The following ASCC3 variants were observed in gnomAD, a reference collection of about 807,000 sequenced individuals.
The protein encoded by ASCC3 is activating signal cointegrator 1 complex subunit 3, also known as ASC-1 complex subunit P200.
In ASCC3, 158 loss-of-function variants were observed where a neutral mutation model predicts 256.3. The ratio of observed to expected loss-of-function variants is 0.62; its 90% CI spans 0.54 to 0.70. The LOEUF is 0.70. ASCC3 is among the 30% of genes least tolerant of loss of function. The probability of loss-of-function intolerance (pLI) is 0.00; values close to 1 mark genes in which losing one functional copy is unlikely to be tolerated. For synonymous variants in ASCC3, 948 were observed against 883.4 expected, an observed-to-expected ratio of 1.07 and a Z score of -1.30; for missense variants, 2,259 against 2,626.0, an observed-to-expected ratio of 0.86 and a Z score of 3.05.
intron 34 of ASCC3, among the ~76,000 whole-genome samples, chr6:100,598,146 G>C (rs2114789378): frequency 6.6e-6 from 1 of 152,208 alleles, no homozygotes; most frequent in African/African-American, 2.4e-5. Context: ...AAAAGTGAGA[G>C]GAACCTCTTA....
chr6:100,760,128 A>G (rs1781359638), intron 10 of ASCC3, among the ~76,000 whole-genome samples: 2 of 152,046 alleles, frequency 1.3e-5, no homozygotes, highest in Non-Finnish European at 2.9e-5. Context: ...CTCTCTTTCT[A>G]TTTGAATACC....
intron 34 of ASCC3, among the ~76,000 whole-genome samples, chr6:100,593,933 A>G (rs1772137052): frequency 6.6e-6 from 1 of 152,094 alleles, no homozygotes; most frequent in African/African-American, 2.4e-5. Context: ...GCACAAGTTA[A>G]TGTGTGTGTG....
At chr6:100,722,973 A>G (rs12210312) in intron 11 of ASCC3, among the ~76,000 whole-genome samples, 78,085 of 151,430 alleles carry the variant, frequency 0.52, 20,411 homozygotes, top group South Asian at 0.63. Context: ...AAGAGCTTCA[A>G]TGAATACTGG....
At chr6:100,536,381 T>C (rs1324737064) in intron 37 of ASCC3, among the ~76,000 whole-genome samples, 1 of 152,174 alleles carries the variant, frequency 6.6e-6, no homozygotes, top group Non-Finnish European at 1.5e-5. Flanking sequence ...GACATGCAAA[T>C]AAATACAAAT....
intron 17 of ASCC3, among the ~76,000 whole-genome samples, chr6:100,653,799 A>G (rs1582639660): frequency 1.3e-5 from 2 of 152,126 alleles, no homozygotes; most frequent in East Asian, 3.9e-4. Context: ...ATAATAAAAC[A>G]TAAGATATTA....
intron 4 of ASCC3, among the ~76,000 whole-genome samples, chr6:100,821,554 G>A (rs908545602): frequency 2.0e-5 from 3 of 152,156 alleles, no homozygotes; most frequent in Admixed American, 6.5e-5. Context: ...GGCAGGGCGT[G>A]GTCATTCACG....
chr6:100,729,354 C>T lies in ASCC3; in HGVS notation c.1738-3651G>A, dbSNP rs558538517. Reference sequence around the variant, plus strand: ...TATGGAAAGATTTCAACTTCTTGAACAAACTTCTAGAAGAAGATCTCGAAC... The same window carrying T: ...TATGGAAAGATTTCAACTTCTTGAATAAACTTCTAGAAGAAGATCTCGAAC... On this transcript the variant is annotated intron_variant, in intron 10 of 41. Transcript: ENST00000369162. Among the ~76,000 whole-genome samples the T allele has an allele frequency of 2.6e-5, 4 of 152,286 alleles. No individual in the cohort carries two copies. In the South Asian group the frequency reaches 8.3e-4, roughly 32 times the overall value.
intron 8 of ASCC3, among the ~76,000 whole-genome samples, chr6:100,784,603 GA>G (rs1186428528): frequency 6.6e-6 from 1 of 151,434 alleles, no homozygotes; most frequent in Non-Finnish European, 1.5e-5. Context: ...GTCTAAAAGA[GA>G]AAAAAAGTAT....
chr6:100,679,831 T>C lies in ASCC3; in HGVS notation c.2152-79A>G, dbSNP rs1257029547. The C allele has an allele frequency of 8.4e-6, 12 of 1,430,252 alleles. No homozygotes were observed. In the Admixed American group the frequency reaches 8.6e-5, roughly 10 times the overall value. The allele number at this position is 1,430,252 out of a possible 1,614,324, so 88.6% of individuals were successfully genotyped here. On this transcript the variant is annotated intron_variant, in intron 13 of 41. Coordinates refer to ENST00000369162, the MANE Select transcript of ASCC3 (RefSeq NM_006828.4). ...TAATAGTAGCCTGGATATCATTCCA[T>C]ATAAACAACTATTAATTTCTCAAAA...
In ASCC3 at chr6:100,547,873, G is replaced by GA. The variant is rs940733101; in HGVS notation, c.5551-7487dup. Among the ~76,000 whole-genome samples the GA allele has an allele frequency of 3.9e-4, 59 of 149,518 alleles. 1 individual carries two copies. In the South Asian group the frequency reaches 4.6e-3, roughly 12 times the overall value. ...TTGGCAGCAGCATTATTTGTAAAGT[G>GA]AAAAAAAAATCAGAAAAAAACTTAA... On this transcript the variant is annotated intron_variant, in intron 36 of 41. Transcript: ENST00000369162.
intron 14 of ASCC3, among the ~76,000 whole-genome samples, chr6:100,673,726 C>A (rs1413394722): frequency 6.6e-6 from 1 of 152,126 alleles, no homozygotes; most frequent in African/African-American, 2.4e-5. Flanking sequence ...CTTTTCAGTA[C>A]GTGAATTTTG....
chr6:100,797,407 G>A (rs555336067), intron 8 of ASCC3, among the ~76,000 whole-genome samples: 5 of 139,402 alleles, frequency 3.6e-5, no homozygotes, highest in South Asian at 2.3e-4. Flanking sequence ...GCGGTGAGCC[G>A]AGAGTTCACA....
intron 22 of ASCC3, among the ~76,000 whole-genome samples, chr6:100,645,499 G>A (rs987585790): frequency 1.3e-5 from 2 of 152,068 alleles, no homozygotes; most frequent in African/African-American, 2.4e-5. Context: ...CATTAAAGAT[G>A]TATAAACATC....
intron 5 of ASCC3, among the ~76,000 whole-genome samples, chr6:100,802,087 G>C (rs897335509): frequency 2.0e-5 from 3 of 151,210 alleles, no homozygotes; most frequent in Admixed American, 6.6e-5. Context: ...CTCATAGAAA[G>C]CTTAAAAGGT....
At chr6:100,574,034 C>T (rs566465017) in intron 36 of ASCC3, among the ~76,000 whole-genome samples, 20 of 152,158 alleles carry the variant, frequency 1.3e-4, no homozygotes, top group Admixed American at 2.6e-4. Context: ...ACTTGCCATG[C>T]TTACATAAAG....
intron 4 of ASCC3, among the ~76,000 whole-genome samples, chr6:100,842,053 T>C (rs1397094601): frequency 2.0e-5 from 3 of 152,148 alleles, no homozygotes; most frequent in Non-Finnish European, 2.9e-5. Context: ...TTCTGATTAT[T>C]TGATGAAAAG....
chr6:100,850,246 A>G (rs1036866000), intron 3 of ASCC3, among the ~76,000 whole-genome samples: 3 of 152,080 alleles, frequency 2.0e-5, no homozygotes, highest in African/African-American at 7.2e-5. Context: ...TGGCTATTAT[A>G]TATTTCCTGC....
At chr6:100,557,007 T>C (rs1769613545) in intron 36 of ASCC3, among the ~76,000 whole-genome samples, 1 of 152,150 alleles carries the variant, frequency 6.6e-6, no homozygotes, top group Non-Finnish European at 1.5e-5. Context: ...AGAACAATGG[T>C]AGGACTCCTC....
At chr6:100,762,127 G>C (rs947358182) in intron 10 of ASCC3, among the ~76,000 whole-genome samples, 7 of 152,136 alleles carry the variant, frequency 4.6e-5, no homozygotes, top group African/African-American at 1.7e-4. Flanking sequence ...CTTTGCAATT[G>C]CTTGGGCCTA....
Sources: gnomAD v4.1 joint callset for allele counts (sites outside exome capture counted in the v4.1 genomes callset) on GRCh38, gnomAD v4.1.1 for gene constraint, MANE v1.5 for transcripts, NCBI Gene and HGNC (gene_info 2026-07-23, HGNC 2026-07-21) for gene names.